Variants in CPNE8 observed in about 807,000 individuals in gnomAD.
CPNE8 encodes the protein copine-8.
In CPNE8, 45 loss-of-function variants were observed where a neutral mutation model predicts 81.5. The observed-to-expected ratio is 0.55, with a 90% CI of 0.44 to 0.71. CPNE8 has a LOEUF of 0.71. Among genes scored for constraint, CPNE8 ranks in the 30% least tolerant of loss-of-function variants. CPNE8 has a pLI of 0.00. For synonymous variants in CPNE8, 252 were observed against 226.3 expected (o/e 1.11, Z -1.02); for missense variants, 594 against 672.1 (o/e 0.88, Z 1.28).
At chr12:38,747,194 T>C (rs1941245892) in intron 10 of CPNE8, among the ~76,000 whole-genome samples, 1 of 152,238 alleles carries the variant, frequency 6.6e-6, no homozygotes, top group Non-Finnish European at 1.5e-5. Flanking sequence ...CACCAATATT[T>C]GTAGCTATTG....
chr12:38,717,288 G>A (rs1203127460), intron 13 of CPNE8, among the ~76,000 whole-genome samples: 1 of 151,128 alleles, frequency 6.6e-6, no homozygotes, highest in Admixed American at 6.6e-5. Flanking sequence ...CCACTACTGG[G>A]TATCTACCCA....
chr12:38,867,532 T>C (rs1943934775), intron 3 of CPNE8, among the ~76,000 whole-genome samples: 1 of 152,194 alleles, frequency 6.6e-6, no homozygotes, highest in Non-Finnish European at 1.5e-5. Context: ...CTATAATCAC[T>C]GTAGTTCATA....
At chr12:38,817,671 TG>T (rs1943048818) in intron 6 of CPNE8, among the ~76,000 whole-genome samples, 1 of 132,882 alleles carries the variant, frequency 7.5e-6, no homozygotes, top group South Asian at 2.6e-4. Context: ...TCTCCCAGGC[TG>T]GAGTGCAGTG....
intron 19 of CPNE8, among the ~76,000 whole-genome samples, chr12:38,654,902 ATTCT>A (rs1225676081): frequency 6.6e-6 from 1 of 152,202 alleles, no homozygotes; most frequent in Non-Finnish European, 1.5e-5. Flanking sequence ...AAGTATTTTA[ATTCT>A]TTCTAAGACA....
intron 10 of CPNE8, among the ~76,000 whole-genome samples, chr12:38,759,494 A>G (rs1221576746): frequency 1.3e-5 from 2 of 152,238 alleles, no homozygotes; most frequent in Non-Finnish European, 2.9e-5. Flanking sequence ...ATAGAACTAA[A>G]TAATACATTA....
intron 6 of CPNE8, among the ~76,000 whole-genome samples, chr12:38,801,083 G>T (rs1317871360): frequency 6.4e-5 from 9 of 139,854 alleles, no homozygotes; most frequent in Non-Finnish European, 1.2e-4. Flanking sequence ...AAAACACTCT[G>T]CAGGATATTA....
At chr12:38,894,507 T>C (rs1944358073) in intron 1 of CPNE8, among the ~76,000 whole-genome samples, 1 of 152,064 alleles carries the variant, frequency 6.6e-6, no homozygotes, top group Non-Finnish European at 1.5e-5. Context: ...GCTTCCATAA[T>C]TAATTTGAGA....
rs1480951493 is a variant in CPNE8, at chr12:38,779,990, C to A, written c.408-3689G>T. On this transcript the variant is annotated intron_variant, in intron 6 of 19. Transcript: ENST00000331366. Reference sequence around the variant, plus strand: ...TAAATCCAAGCTGTCATTGCCAGTGCCAATGTCCAGGCACTTTTCCTCTAT... The same window carrying A: ...TAAATCCAAGCTGTCATTGCCAGTGACAATGTCCAGGCACTTTTCCTCTAT... Among the ~76,000 whole-genome samples, 3 of 152,008 alleles carry A rather than the reference C, an allele frequency of 2.0e-5. No individual in the cohort carries two copies. The East Asian group carries it at 5.8e-4, about 29-fold the overall frequency.
chr12:38,682,022 C>T (rs915135739), intron 16 of CPNE8, among the ~76,000 whole-genome samples: 2 of 150,112 alleles, frequency 1.3e-5, no homozygotes, highest in African/African-American at 4.9e-5. Context: ...GAGTTGGAGA[C>T]CAGCCTGGCC....
At chr12:38,669,227 T>TA (rs1369970841) in intron 19 of CPNE8, among the ~76,000 whole-genome samples, 2 of 152,136 alleles carry the variant, frequency 1.3e-5, no homozygotes, top group African/African-American at 4.8e-5. Context: ...ATTATCTTTT[T>TA]AAAAAAACTA....
chr12:38,762,598 T>C (rs1454645297), intron 8 of CPNE8, among the ~76,000 whole-genome samples: 1 of 151,974 alleles, frequency 6.6e-6, no homozygotes, highest in Non-Finnish European at 1.5e-5. Flanking sequence ...GGTTTTACAG[T>C]GGGTTTAAGA....
At chr12:38,693,305 G>A (rs1367148655) in intron 15 of CPNE8, among the ~76,000 whole-genome samples, 1 of 152,038 alleles carries the variant, frequency 6.6e-6, no homozygotes, top group East Asian at 1.9e-4. Context: ...GCAAAAATGC[G>A]CTGTCTCCCA....
chr12:38,680,593 G>A (rs1939387966), intron 16 of CPNE8, among the ~76,000 whole-genome samples: 1 of 151,896 alleles, frequency 6.6e-6, no homozygotes, highest in African/African-American at 2.4e-5. Context: ...TTGAATTTTA[G>A]CTCTACCACA....
At chr12:38,838,127 T>C (rs1228744774) in intron 5 of CPNE8, among the ~76,000 whole-genome samples, 1 of 152,106 alleles carries the variant, frequency 6.6e-6, no homozygotes, top group Non-Finnish European at 1.5e-5. Context: ...TCCAACCCCA[T>C]GGAAATGTCC....
chr12:38,903,705 G>T (rs919436913), intron 1 of CPNE8, among the ~76,000 whole-genome samples: 1 of 152,128 alleles, frequency 6.6e-6, no homozygotes, highest in Non-Finnish European at 1.5e-5. Flanking sequence ...TAGGACTTCC[G>T]GCTATCCATT....
chr12:38,671,964 A>G (rs935822720), intron 18 of CPNE8, among the ~76,000 whole-genome samples: 1 of 152,140 alleles, frequency 6.6e-6, no homozygotes, highest in Non-Finnish European at 1.5e-5. Flanking sequence ...TGCAGAAGAC[A>G]TTTTTTAATC....
At chr12:38,701,274 T>C (rs1236906556) in intron 14 of CPNE8, among the ~76,000 whole-genome samples, 1 of 152,168 alleles carries the variant, frequency 6.6e-6, no homozygotes, top group East Asian at 1.9e-4. Flanking sequence ...TGGGTAGTCT[T>C]TTAAAAACTA....
rs182018337 is a variant in CPNE8, at chr12:38,781,721, G to A, written c.408-5420C>T. Among the ~76,000 whole-genome samples, 219 of 152,112 alleles carry A rather than the reference G, an allele frequency of 1.4e-3. 1 individual carries two copies. Among genetic ancestry groups the A allele is most frequent in the Middle Eastern group, 3.4e-3 (1 of 294 alleles). ...TAAACACCCTTGGCAAGGTGATCAA[G>A]GTTAATATCACCAGTGATAAGTCAT... On this transcript the variant is annotated intron_variant, in intron 6 of 19. Transcript: ENST00000331366.
intron 6 of CPNE8, among the ~76,000 whole-genome samples, chr12:38,785,193 A>G (rs1263498720): frequency 2.0e-5 from 3 of 151,834 alleles, no homozygotes; most frequent in Non-Finnish European, 2.9e-5. Context: ...GTCTCTGAAA[A>G]AAAAAAAAAA....
Sources: allele counts gnomAD v4.1 joint callset (sites outside exome capture counted in the v4.1 genomes callset), GRCh38; gene constraint gnomAD v4.1.1; transcripts MANE v1.5; gene names NCBI Gene and HGNC (gene_info 2026-07-23, HGNC 2026-07-21).